PCLO: variants seen among roughly 807,000 people sequenced by gnomAD.
PCLO encodes the protein piccolo presynaptic cytomatrix protein, also known as protein piccolo.
A neutral mutation model predicts 427.5 loss-of-function variants in PCLO; 82 were observed. The observed-to-expected ratio is 0.19, with a 90% confidence interval of 0.16 to 0.23. The LOEUF is 0.23. PCLO is among the 10% of genes least tolerant of loss of function. The pLI is 1.00. For synonymous variants in PCLO, 2,357 were observed against 2,155.4 expected (o/e 1.09, Z -2.59); for missense variants, 6,239 against 6,115.9 (o/e 1.02, Z -0.67).
At chr7:82,766,736 T>G (rs1790539285) in intron 22 of PCLO, among the ~76,000 whole-genome samples, 2 of 152,160 alleles carry the variant, frequency 1.3e-5, no homozygotes. Context: ...AAATTTGTTG[T>G]TTTTCGCCTT....
chr7:82,797,979 A>G (rs1299701806), intron 22 of PCLO, among the ~76,000 whole-genome samples: 2 of 152,150 alleles, frequency 1.3e-5, no homozygotes, highest in African/African-American at 4.8e-5. Context: ...AAAATACTCA[A>G]TGACATTCTC....
chr7:82,928,291 CACTACTACATT>C (rs1794760328), intron 6 of PCLO, among the ~76,000 whole-genome samples: 1 of 152,100 alleles, frequency 6.6e-6, no homozygotes, highest in East Asian at 1.9e-4. Context: ...CAACTAAAGC[CACTACTACATT>C]ACTAAAAGGG....
At chr7:83,093,492 A>ATATATATATATATTTTTTTTTTTTT in intron 3 of PCLO, among the ~76,000 whole-genome samples, 1 of 59,320 alleles carries the variant, frequency 1.7e-5, no homozygotes, top group Non-Finnish European at 3.3e-5. Context: ...ATATATATAT[A>ATATATATATATATTTTTTTTTTTTT]TTTTTTTTTT....
In PCLO at chr7:82,953,497, C is replaced by T; in HGVS notation, c.7456G>A (p.Val2486Ile). 6.2e-7 allele frequency: 1 copy of T among 1,613,376 alleles called. No individual in the cohort carries two copies. The highest frequency in any genetic ancestry group is 8.5e-7 in the Non-Finnish European group (1 of 1,179,762). ...GGAATTGAAGATGGCTTAGGAGGAA[C>T]AGGAGGAGGTGCAGTAGTACATATT... The part of the protein sequence containing the change: ...TRICTTAPPP[V>I]PPKPSSIPSG... The change falls in exon 5 of 25, where the codon GTT becomes ATT. Residue 2486 changes from valine (V) to isoleucine (I), a missense_variant. Around this residue, in one of 5 missense-constraint regions of PCLO, gnomAD observed 4,677 missense variants for 4,468.4 expected, o/e 1.05. Coordinates refer to ENST00000333891, the MANE Select transcript of PCLO (RefSeq NM_033026.6).
rs762563078 is a variant in PCLO at position 82,822,469 on chromosome 7, C to T, written c.14791+26G>A. 1.1e-5 allele frequency: 17 copies of T among 1,613,640 alleles called. 1 individual carries two copies. In the South Asian group the frequency reaches 1.6e-4, roughly 16 times the overall value. ...AACAGATGAACATTAAGCTGCCATGCTGAGGAATTTATTTGCGTCTTTTAC... is the reference window on the plus strand; with the variant it reads ...AACAGATGAACATTAAGCTGCCATGTTGAGGAATTTATTTGCGTCTTTTAC... On this transcript the variant is annotated intron_variant, in intron 20 of 24. Transcript: ENST00000333891.
chr7:82,806,937 A>G (rs1387132762), intron 20 of PCLO, among the ~76,000 whole-genome samples: 1 of 145,194 alleles, frequency 6.9e-6, no homozygotes, highest in East Asian at 2.1e-4. Context: ...AGTCTTTGAC[A>G]ATGAATTTAA....
chr7:83,145,333 T>C (rs890779201), intron 2 of PCLO, among the ~76,000 whole-genome samples: 3 of 152,200 alleles, frequency 2.0e-5, no homozygotes, highest in African/African-American at 7.2e-5. Context: ...ACCTTGATTT[T>C]TTTTAAACTA....
At chr7:82,829,101 A>G (rs961914085) in intron 16 of PCLO, among the ~76,000 whole-genome samples, 5 of 152,094 alleles carry the variant, frequency 3.3e-5, no homozygotes, top group Non-Finnish European at 7.4e-5. Flanking sequence ...TAATTTACCT[A>G]TACATTGTAG....
intron 3 of PCLO, among the ~76,000 whole-genome samples, chr7:83,027,829 C>A (rs376510024): frequency 0.099 from 9,710 of 97,884 alleles, 388 homozygotes; most frequent in Middle Eastern, 0.21. Context: ...TGTAATCCAG[C>A]ATATAAACAG....
rs767521687 is a variant in PCLO, at chr7:82,827,905, T to C, written c.14311A>G (p.Thr4771Ala). 7.5e-6 allele frequency: 12 copies of C among 1,598,716 alleles called. No individual in the cohort carries two copies. Among genetic ancestry groups the C allele is most frequent in the Non-Finnish European group, 1.0e-5 (12 of 1,167,324 alleles). Residue 4771 changes from threonine (T) to alanine (A), a missense_variant, in exon 17 of 25, where the codon ACA becomes GCA. Thr to Ala is a moderately conservative substitution (Grantham distance 58, BLOSUM62 0). This residue lies in a region of PCLO where 877 missense variants were observed against 925.5 expected (regional missense o/e 0.95). Coordinates refer to ENST00000333891, the MANE Select transcript of PCLO (RefSeq NM_033026.6). ...ATGGAAATACTTTTATAAATTACTG[T>C]TTGATTCCACTCAGGATTAAGACTT... Reference protein sequence around the residue: ...QKSLNPEWNQTVIYKSISMEQ... With the variant: ...QKSLNPEWNQAVIYKSISMEQ...
intron 8 of PCLO, among the ~76,000 whole-genome samples, chr7:82,907,449 T>A (rs1794218531): frequency 1.3e-5 from 2 of 152,032 alleles, no homozygotes; most frequent in Non-Finnish European, 2.9e-5. Context: ...ACATTTATTA[T>A]CTTAGTAATT....
rs566061844 is a variant in PCLO at position 82,892,997 on chromosome 7, T to C, written c.13528+9654A>G. Among the ~76,000 whole-genome samples, 5 of 152,270 alleles carry C rather than the reference T, an allele frequency of 3.3e-5. No individual in the cohort carries two copies. In the South Asian group the frequency reaches 8.3e-4, roughly 25 times the overall value. ...GGTGGGACTGTAAACTGTTCAACCA[T>C]TGTGGAAGACAGTGTGGTGATTCCT... On this transcript the variant is annotated intron_variant, in intron 9 of 24. Transcript: ENST00000333891.
intron 10 of PCLO, chr7:82,868,242 G>A (rs1327373784): frequency 4.4e-6 from 2 of 456,424 alleles, no homozygotes; most frequent in South Asian, 1.5e-5. Context: ...AGACTTTCTT[G>A]CCTAGGAGCA....
chr7:83,114,324 G>A (rs1423831811), intron 3 of PCLO, among the ~76,000 whole-genome samples: 1 of 152,068 alleles, frequency 6.6e-6, no homozygotes, highest in Non-Finnish European at 1.5e-5. Flanking sequence ...GGAACATGAT[G>A]TGGGGTCAAG....
rs185259109 is a variant in PCLO, at chr7:83,041,668, A to G, written c.3301-75181T>C. 4.7e-3 allele frequency among the ~76,000 whole-genome samples: 722 copies of G among 152,264 alleles called. 8 individuals carry two copies. The highest frequency in any genetic ancestry group is 0.027 in the Middle Eastern group (8 of 292). On this transcript the variant is annotated intron_variant, in intron 3 of 24. Transcript: ENST00000333891. ...AGTCAGTCTAGAAGCACAGAGCATA[A>G]AAGTGGGGCAGCCAAGAACATGACA...
intron 3 of PCLO, among the ~76,000 whole-genome samples, chr7:83,129,585 T>C (rs1791520419): frequency 6.6e-6 from 1 of 152,204 alleles, no homozygotes; most frequent in Non-Finnish European, 1.5e-5. Flanking sequence ...TCCTCATCCC[T>C]TGATGTAGCA....
intron 3 of PCLO, among the ~76,000 whole-genome samples, chr7:83,118,004 AC>A (rs542462129): frequency 1.1e-3 from 164 of 152,272 alleles, no homozygotes; most frequent in African/African-American, 3.9e-3. Context: ...AGGAACATAA[AC>A]TGTGTTTTAA....
At chr7:83,021,953 T>G (rs1788354892) in intron 3 of PCLO, among the ~76,000 whole-genome samples, 1 of 152,214 alleles carries the variant, frequency 6.6e-6, no homozygotes, top group South Asian at 2.1e-4. Context: ...TAAAATTATA[T>G]AAACAAATTT....
chr7:83,013,824 A>C (rs1788144309), intron 3 of PCLO, among the ~76,000 whole-genome samples: 1 of 152,250 alleles, frequency 6.6e-6, no homozygotes, highest in Non-Finnish European at 1.5e-5. Context: ...AAATAGCACA[A>C]TAATCATTAG....
Sources: allele counts gnomAD v4.1 joint callset (sites outside exome capture counted in the v4.1 genomes callset), GRCh38; gene constraint gnomAD v4.1.1; regional missense constraint gnomAD v4.1.1; transcripts MANE v1.5; gene names NCBI Gene and HGNC (gene_info 2026-07-23, HGNC 2026-07-21).